The following ASTN2 variants were observed in gnomAD, a reference collection of about 807,000 sequenced individuals.
ASTN2 encodes the protein astrotactin 2, also known as astrotactin-2.
Under a neutral mutation model 139.8 loss-of-function variants are expected in ASTN2, and 54 were observed. The observed-to-expected ratio is 0.39, with a 90% CI of 0.31 to 0.48. The LOEUF (loss-of-function observed/expected upper bound fraction) is 0.48, where lower values mean the gene tolerates loss of function less well. ASTN2 is among the 20% of genes least tolerant of loss of function. The pLI is 0.95. For missense variants in ASTN2, 1,565 were observed against 1,725.1 expected (o/e 0.91, Z 1.64); for synonymous variants, 756 against 719.5 (o/e 1.05, Z -0.81).
chr9:116,620,589 T>C (rs1856090266), intron 17 of ASTN2, 146 bp from the exon 18 acceptor site: 2 of 1,011,446 alleles, frequency 2.0e-6, no homozygotes, highest in Non-Finnish European at 1.5e-6. Flanking sequence ...CTAAGTTCCT[T>C]GCACTCTACT....
intron 6 of ASTN2, among the ~76,000 whole-genome samples, chr9:117,010,277 C>A (rs1837481582): frequency 6.6e-6 from 1 of 152,102 alleles, no homozygotes; most frequent in Non-Finnish European, 1.5e-5. Context: ...TAAGCCCAAG[C>A]AGAAACATGT....
intron 1 of ASTN2, among the ~76,000 whole-genome samples, chr9:117,365,339 G>A (rs145486679): frequency 0.011 from 1,692 of 147,216 alleles, 33 homozygotes; most frequent in African/African-American, 0.044. Flanking sequence ...GAAAGAAAGA[G>A]AGAAAAGAAA....
At chr9:117,403,797 A>G (rs1683233630) in intron 1 of ASTN2, among the ~76,000 whole-genome samples, 1 of 152,078 alleles carries the variant, frequency 6.6e-6, no homozygotes, top group East Asian at 1.9e-4. Flanking sequence ...AGTCTCTAAG[A>G]GCTCTTCTGT....
chr9:117,048,268 C>A (rs1409335775), intron 5 of ASTN2, among the ~76,000 whole-genome samples: 1 of 152,160 alleles, frequency 6.6e-6, no homozygotes, highest in Admixed American at 6.5e-5. Flanking sequence ...CTGATACCGA[C>A]CACATGTCTT....
chr9:117,254,323 T>C (rs1283328974), intron 2 of ASTN2, among the ~76,000 whole-genome samples: 1 of 152,232 alleles, frequency 6.6e-6, no homozygotes, highest in Non-Finnish European at 1.5e-5. Flanking sequence ...TGTGTAGTGA[T>C]TAATATCCTT....
intron 10 of ASTN2, among the ~76,000 whole-genome samples, chr9:116,964,062 C>T (rs1835938326): frequency 6.6e-6 from 1 of 152,094 alleles, no homozygotes; most frequent in African/African-American, 2.4e-5. Flanking sequence ...TTTTAAATCT[C>T]CCCAAGCTTG....
intron 16 of ASTN2, among the ~76,000 whole-genome samples, chr9:116,724,603 G>C (rs1828564996): frequency 6.6e-6 from 1 of 152,184 alleles, no homozygotes; most frequent in African/African-American, 2.4e-5. Flanking sequence ...CTCCCCTATA[G>C]ACTTAGTTTC....
intron 2 of ASTN2, among the ~76,000 whole-genome samples, chr9:117,218,260 C>A (rs1037115152): frequency 1.3e-5 from 2 of 152,220 alleles, no homozygotes; most frequent in Non-Finnish European, 2.9e-5. Flanking sequence ...TAGCCCTTGA[C>A]CTTGCCATTT....
chr9:116,694,547 G>A (rs1453665736), intron 16 of ASTN2, among the ~76,000 whole-genome samples: 6 of 136,896 alleles, frequency 4.4e-5, no homozygotes, highest in Admixed American at 8.2e-5. Context: ...TGCAAGCTCC[G>A]CCTCCCAGGT....
intron 4 of ASTN2, among the ~76,000 whole-genome samples, chr9:117,132,416 T>C (rs546087277): frequency 9.4e-6 from 1 of 106,222 alleles, no homozygotes; most frequent in Admixed American, 1.1e-4. Context: ...ATTATTACCA[T>C]TCTACTGAAA....
At position 117,019,792 on chromosome 9, in the gene ASTN2, C is replaced by T. The variant is rs187930091; in HGVS notation, c.1424-11533G>A. ...TTGGAACACCAGCCTTGCCATTTAC[C>T]ACCTGAAGGACTTTATGCCTATGAT... On this transcript the variant is annotated intron_variant, in intron 6 of 22. Coordinates refer to ENST00000313400, the MANE Select transcript of ASTN2 (RefSeq NM_001365068.1). Among the ~76,000 whole-genome samples, 6 of 152,202 alleles carry T rather than the reference C, an allele frequency of 3.9e-5. No homozygotes were observed. In the East Asian group the frequency reaches 1.2e-3, roughly 29 times the overall value.
At chr9:117,106,060 G>T (rs1180752721) in intron 4 of ASTN2, among the ~76,000 whole-genome samples, 1 of 152,110 alleles carries the variant, frequency 6.6e-6, no homozygotes, top group Non-Finnish European at 1.5e-5. Context: ...AGTATCTGAG[G>T]TTGGTCAGGT....
At chr9:117,223,796 T>C (rs752239331) in intron 2 of ASTN2, among the ~76,000 whole-genome samples, 2 of 152,220 alleles carry the variant, frequency 1.3e-5, no homozygotes, top group Admixed American at 1.3e-4. Flanking sequence ...TAGCTATATT[T>C]ATCTATATTT....
chr9:116,844,130 T>C (rs1021151805), intron 11 of ASTN2, among the ~76,000 whole-genome samples: 4 of 152,156 alleles, frequency 2.6e-5, no homozygotes, highest in African/African-American at 9.7e-5. Context: ...TGTTCTAAAA[T>C]AGACTCAATA....
rs910664918 is a variant in ASTN2 at position 116,852,540 on chromosome 9, CTG to C, written c.2040+11041_2040+11042del. 1.4e-4 allele frequency among the ~76,000 whole-genome samples: 21 copies of C among 152,274 alleles called. 1 individual carries two copies. The highest frequency in any genetic ancestry group is 5.1e-4 in the African/African-American group (21 of 41,564). On this transcript the variant is annotated intron_variant, in intron 11 of 22. Coordinates refer to ENST00000313400, the MANE Select transcript of ASTN2 (RefSeq NM_001365068.1). ...TTGAGTGTTTGATGAAACCTTCTCACTGTTTGCTCCCTCAAGGGAAAGGGATT... is the reference window on the plus strand; with the variant it reads ...TTGAGTGTTTGATGAAACCTTCTCACTTTGCTCCCTCAAGGGAAAGGGATT...
intron 10 of ASTN2, among the ~76,000 whole-genome samples, chr9:116,869,949 T>C (rs1391262909): frequency 6.6e-6 from 1 of 151,488 alleles, no homozygotes; most frequent in Non-Finnish European, 1.5e-5. Context: ...ATAATTTTTT[T>C]TTTTTTTTTT....
At chr9:116,961,850 T>A (rs906606720) in intron 10 of ASTN2, among the ~76,000 whole-genome samples, 1 of 152,226 alleles carries the variant, frequency 6.6e-6, no homozygotes, top group Non-Finnish European at 1.5e-5. Flanking sequence ...AAATCTGGGC[T>A]AAATAATTGT....
chr9:116,844,585 G>C (rs1832369372), intron 11 of ASTN2, among the ~76,000 whole-genome samples: 1 of 148,802 alleles, frequency 6.7e-6, no homozygotes, highest in African/African-American at 2.5e-5. Context: ...CACCTACTCA[G>C]AATTGCTACG....
intron 1 of ASTN2, among the ~76,000 whole-genome samples, chr9:117,317,032 T>G (rs114743326): frequency 0.011 from 1,750 of 152,202 alleles, 31 homozygotes; most frequent in African/African-American, 0.04. Context: ...TGTGACTGCT[T>G]TCTTATTTCT....
Sources: allele counts gnomAD v4.1 joint callset (sites outside exome capture counted in the v4.1 genomes callset), GRCh38; gene constraint gnomAD v4.1.1; transcripts MANE v1.5; gene names NCBI Gene and HGNC (gene_info 2026-07-23, HGNC 2026-07-21).